DNHD1: variants seen among roughly 807,000 people sequenced by gnomAD.
DNHD1 encodes dynein heavy chain domain 1, also known as dynein heavy chain domain-containing protein 1.
In DNHD1, 383 loss-of-function variants were observed where a neutral mutation model predicts 458.1. The ratio of observed to expected loss-of-function variants is 0.84; its 90% CI spans 0.77 to 0.91. The LOEUF (loss-of-function observed/expected upper bound fraction) is 0.91. DNHD1 is among the 40% of genes least tolerant of loss of function. The pLI is 0.00. For missense variants in DNHD1, 5,336 were observed against 5,866.1 expected, an observed-to-expected ratio of 0.91 and a Z score of 2.95; for synonymous variants, 2,203 against 2,376.9, an observed-to-expected ratio of 0.93 and a Z score of 2.13.
chr11:6,502,643 T>C, intron 3 of DNHD1, 110 bp from the exon 4 acceptor site: 4 of 1,006,092 alleles, frequency 4.0e-6, no homozygotes, highest in Non-Finnish European at 5.6e-6. Flanking sequence ...TCAGGTCTCC[T>C]CAGGCACCTG....
chr11:6,554,719 C>T (rs746201883), intron 24 of DNHD1, among the ~76,000 whole-genome samples: 2 of 152,126 alleles, frequency 1.3e-5, no homozygotes, highest in Non-Finnish European at 2.9e-5. Context: ...CAAATTTAAA[C>T]CACCATGTGA....
At chr11:6,568,427 T>A (rs1589899327) in intron 37 of DNHD1, 27 bp from the exon 38 acceptor site, 3 of 1,611,638 alleles carry the variant, frequency 1.9e-6, no homozygotes, top group Non-Finnish European at 2.5e-6. Flanking sequence ...ATCCAAGGAC[T>A]GATCTCAGAC....
At chr11:6,553,922 A>G (rs1202031513) in intron 24 of DNHD1, among the ~76,000 whole-genome samples, 1 of 152,006 alleles carries the variant, frequency 6.6e-6, no homozygotes, top group African/African-American at 2.4e-5. Flanking sequence ...CCCCCAAATG[A>G]TCTATAGATT....
At chr11:6,562,046 A>G (rs2134452365) in intron 28 of DNHD1, among the ~76,000 whole-genome samples, 1 of 152,324 alleles carries the variant, frequency 6.6e-6, no homozygotes, top group South Asian at 2.1e-4. Flanking sequence ...GTAAGAGTGG[A>G]AACTGAGAGA....
intron 13 of DNHD1, 117 bp from the exon 14 acceptor site, chr11:6,533,564 A>T: frequency 7.7e-7 from 1 of 1,296,812 alleles, no homozygotes. Context: ...AGTTGATTAC[A>T]AGGCTGCAAC....
chr11:6,528,077 G>C (rs964493904), intron 10 of DNHD1, among the ~76,000 whole-genome samples: 1 of 152,204 alleles, frequency 6.6e-6, no homozygotes, highest in East Asian at 1.9e-4. Context: ...TGAATTAAGA[G>C]GGGGAAAGAG....
chr11:6,509,930 C>A (rs986698138), intron 6 of DNHD1, among the ~76,000 whole-genome samples: 15 of 152,156 alleles, frequency 9.9e-5, no homozygotes, highest in African/African-American at 3.4e-4. Flanking sequence ...AGAGGATAGT[C>A]ACTACTCAGT....
At chr11:6,552,994 G>T (rs924223010) in intron 24 of DNHD1, among the ~76,000 whole-genome samples, 4 of 152,120 alleles carry the variant, frequency 2.6e-5, no homozygotes, top group African/African-American at 9.7e-5. Context: ...TAGAAAAAAA[G>T]TACAACTTAT....
chr11:6,548,455 G>T lies in DNHD1; in HGVS notation c.7098+53G>T. 6.6e-7 allele frequency: 1 copy of T among 1,525,974 alleles called. No homozygotes were observed. Among genetic ancestry groups the T allele is most frequent in the Non-Finnish European group, 8.8e-7 (1 of 1,130,308 alleles). 94.5% of individuals were successfully genotyped at this position (1,525,974 alleles called of 1,614,324 possible). Reference sequence around the variant, plus strand: ...GGTTAGAACTTCAGGACTTATTTTAGGGGTAATCCATGTTCAAAGATCAGC... The same window carrying T: ...GGTTAGAACTTCAGGACTTATTTTATGGGTAATCCATGTTCAAAGATCAGC... On this transcript the variant is annotated intron_variant, in intron 23 of 42. Transcript: ENST00000254579. The surrounding 1 kb of genome is among the most constrained non-coding windows in gnomAD (Gnocchi z 4.4).
chr11:6,530,996 T>C (rs186893637), intron 12 of DNHD1, among the ~76,000 whole-genome samples: 7 of 152,374 alleles, frequency 4.6e-5, no homozygotes, highest in African/African-American at 1.4e-4. Flanking sequence ...TACTGTGTTT[T>C]AGTTTCTTTA....
rs1242244127 is a variant in DNHD1, at chr11:6,568,156, G to A, written c.12452G>A (p.Trp4151Ter). Residue 4151 changes from tryptophan (W) to a stop codon, truncating the protein, a stop_gained, in exon 37 of 43, where the codon TGG becomes TAG. Transcript: ENST00000254579. LOFTEE classifies it high-confidence loss of function. Reference protein sequence around the residue: ...TLSQAMYEGHWLVLDNCHLMP... With the variant: ...TLSQAMYEGH ...TCCCAGGCTATGTATGAGGGGCACT[G>A]GCTGGTGCTGGACAACTGTCATCTG... The A allele has an allele frequency of 1.3e-6, 2 of 1,555,718 alleles. No homozygotes were observed. The highest frequency in any genetic ancestry group is 2.4e-5 in the South Asian group (2 of 84,384).
intron 7 of DNHD1, among the ~76,000 whole-genome samples, chr11:6,514,493 CTTTCT>C (rs973118694): frequency 6.7e-6 from 1 of 148,484 alleles, no homozygotes; most frequent in African/African-American, 2.5e-5. Flanking sequence ...CTTTCCTTTC[CTTTCT>C]CCCTCCTTCC....
Position 6,571,639 on chromosome 11 carries a change from G to T in DNHD1, c.13915G>T (p.Glu4639Ter), listed in dbSNP as rs760722677. The T allele has an allele frequency of 6.4e-7, 1 of 1,574,176 alleles. No individual in the cohort carries two copies. The highest frequency in any genetic ancestry group is 8.6e-7 in the Non-Finnish European group (1 of 1,156,954). ...MNSNPLHFRV[E>*]NGPNPTVPER... ...GACCAGCTTCTGACGCCCCCAGGTGGAGAATGGTCCAAATCCCACGGTTCC... is the reference window on the plus strand; with the variant it reads ...GACCAGCTTCTGACGCCCCCAGGTGTAGAATGGTCCAAATCCCACGGTTCC... The change falls in exon 43 of 43, where the codon GAG (glutamate) becomes TAG (stop). Residue 4639 changes from glutamate (E) to a stop codon, truncating the protein, a stop_gained. Coordinates refer to ENST00000254579, the MANE Select transcript of DNHD1 (RefSeq NM_144666.3). LOFTEE classifies it low-confidence loss of function (END_TRUNC). This position sits in a 1 kb window ranked among gnomAD's most constrained non-coding sequence, Gnocchi z 5.0.
At chr11:6,552,167 T>C (rs1354360347) in intron 24 of DNHD1, among the ~76,000 whole-genome samples, 1 of 147,894 alleles carries the variant, frequency 6.8e-6, no homozygotes, top group Non-Finnish European at 1.5e-5. Flanking sequence ...AATGGATACA[T>C]GCTGTATTAG....
chr11:6,534,050 C>T lies in DNHD1; in HGVS notation c.2875C>T (p.Pro959Ser). The T allele has an allele frequency of 6.4e-7, 1 of 1,551,592 alleles. No homozygotes were observed. Among genetic ancestry groups the T allele is most frequent in the South Asian group, 1.2e-5 (1 of 84,044 alleles). The change falls in exon 14 of 43, where the codon CCC (proline) becomes TCC (serine). Residue 959 changes from proline (P) to serine (S), a missense_variant. This residue lies in a region of DNHD1 where 3,932 missense variants were observed against 4,365.6 expected (regional missense o/e 0.90). Coordinates refer to ENST00000254579, the MANE Select transcript of DNHD1 (RefSeq NM_144666.3). ...CCTGCTTGCGAAGGCCCTCTCCGGTCCCTTTATGGACCCCACACAAGATCA... is the reference window on the plus strand; with the variant it reads ...CCTGCTTGCGAAGGCCCTCTCCGGTTCCTTTATGGACCCCACACAAGATCA... The part of the protein sequence containing the change: ...EGLLAKALSG[P>S]FMDPTQDQRS...
intron 17 of DNHD1, 129 bp downstream of exon 17, chr11:6,539,442 C>CAGGTT: frequency 1.4e-6 from 1 of 694,850 alleles, no homozygotes; most frequent in Non-Finnish European, 2.5e-6. Flanking sequence ...GCCTGAAGGG[C>CAGGTT]AGGAACAGTT....
chr11:6,540,392 C>T (rs1304023108), intron 18 of DNHD1, among the ~76,000 whole-genome samples: 2 of 152,190 alleles, frequency 1.3e-5, no homozygotes, highest in Non-Finnish European at 1.5e-5. Flanking sequence ...AATGCTCTGT[C>T]CTCTAGATTG....
Position 6,547,486 on chromosome 11 carries a change from G to C in DNHD1, c.6547G>C (p.Glu2183Gln), listed in dbSNP as rs746897064. ...RTVAELNHMA[E>Q]VLVPATLRFL... ...AGTCGCTGAGCTCAACCACATGGCTGAGGTTCTGGTGCCTGCAACATTGCG... is the reference window on the plus strand; with the variant it reads ...AGTCGCTGAGCTCAACCACATGGCTCAGGTTCTGGTGCCTGCAACATTGCG... Residue 2183 changes from glutamate (E) to glutamine (Q), a missense_variant, in exon 21 of 43, where the codon GAG becomes CAG. This residue lies in a region of DNHD1 where 3,932 missense variants were observed against 4,365.6 expected (regional missense o/e 0.90). Transcript: ENST00000254579. 1.3e-5 allele frequency: 20 copies of C among 1,550,862 alleles called. No homozygotes were observed. The highest frequency in any genetic ancestry group is 3.3e-4 in the Middle Eastern group (2 of 6,010).
chr11:6,507,930 A>T (rs1274486670), intron 4 of DNHD1, among the ~76,000 whole-genome samples: 7 of 152,212 alleles, frequency 4.6e-5, no homozygotes, highest in Admixed American at 4.6e-4. Flanking sequence ...TCTGGTATCT[A>T]TCTAAAAGTT....
Sources: gnomAD v4.1 joint callset for allele counts (sites outside exome capture counted in the v4.1 genomes callset) on GRCh38, gnomAD v4.1.1 for gene constraint, gnomAD v4.1.1 regional missense constraint, Gnocchi (gnomAD v3.1) non-coding constraint, MANE v1.5 for transcripts, NCBI Gene and HGNC (gene_info 2026-07-23, HGNC 2026-07-21) for gene names.